The following ANAPC10 variants were observed in gnomAD, a reference collection of about 807,000 sequenced individuals.
ANAPC10 encodes the protein anaphase promoting complex subunit 10.
In ANAPC10, 12 loss-of-function variants were observed where a neutral mutation model predicts 22.0. The ratio of observed to expected loss-of-function variants is 0.55; its 90% CI spans 0.35 to 0.88. ANAPC10 has a LOEUF of 0.88. Among genes scored for constraint, ANAPC10 ranks in the 40% least tolerant of loss-of-function variants. The pLI, the probability that ANAPC10 is intolerant of heterozygous loss-of-function variation, is 0.01. For synonymous variants in ANAPC10, 65 were observed against 69.5 expected (o/e 0.94, Z 0.32); for missense variants, 188 against 220.9 (o/e 0.85, Z 0.94).
At chr4:145,010,264 G>A (rs1479001322) in intron 4 of ANAPC10, among the ~76,000 whole-genome samples, 1 of 152,154 alleles carries the variant, frequency 6.6e-6, no homozygotes, top group Non-Finnish European at 1.5e-5. Flanking sequence ...AGACAGTGTG[G>A]CAATTCCTCA....
chr4:145,073,905 A>G lies in ANAPC10; in HGVS notation c.206+7755T>C, dbSNP rs977169452. Among the ~76,000 whole-genome samples the G allele has an allele frequency of 2.0e-5, 3 of 151,940 alleles. No individual in the cohort carries two copies. In the East Asian group the frequency reaches 5.8e-4, roughly 29 times the overall value. Reference sequence around the variant, plus strand: ...TTTGTAGAAATTTTGATGAAGGCAGATCAAACAAAAGCACAAATTTTGCTT... The same window carrying G: ...TTTGTAGAAATTTTGATGAAGGCAGGTCAAACAAAAGCACAAATTTTGCTT... On this transcript the variant is annotated intron_variant, in intron 3 of 4. Coordinates refer to ENST00000507656, the MANE Select transcript of ANAPC10 (RefSeq NM_001256706.2).
At chr4:145,022,812 A>C (rs1736146091) in intron 4 of ANAPC10, among the ~76,000 whole-genome samples, 1 of 151,910 alleles carries the variant, frequency 6.6e-6, no homozygotes, top group Non-Finnish European at 1.5e-5. Flanking sequence ...AAAAAAAAAA[A>C]ATTAAAAACA....
chr4:145,094,370 G>A (rs1748169354), intron 2 of ANAPC10, among the ~76,000 whole-genome samples: 1 of 152,156 alleles, frequency 6.6e-6, no homozygotes, highest in South Asian at 2.1e-4. Context: ...GGAACTTTGT[G>A]GGATGATGGC....
At chr4:145,026,485 G>A (rs1341053832) in intron 4 of ANAPC10, among the ~76,000 whole-genome samples, 2 of 152,060 alleles carry the variant, frequency 1.3e-5, no homozygotes, top group Non-Finnish European at 2.9e-5. Context: ...TTTAAATAAG[G>A]TGGTCAGAAT....
chr4:145,010,390 A>C (rs1209127297), intron 4 of ANAPC10, among the ~76,000 whole-genome samples: 1 of 152,192 alleles, frequency 6.6e-6, no homozygotes, highest in Non-Finnish European at 1.5e-5. Context: ...TTATTGTGGC[A>C]CTATTCACAA....
chr4:145,064,751 A>C, intron 3 of ANAPC10, 59 bp from the exon 4 acceptor site: 1 of 1,329,384 alleles, frequency 7.5e-7, no homozygotes, highest in East Asian at 2.5e-5. Context: ...TTTCCAATGC[A>C]TCTTATCTTC....
At chr4:145,048,091 C>A (rs1014909207) in intron 4 of ANAPC10, among the ~76,000 whole-genome samples, 1 of 152,106 alleles carries the variant, frequency 6.6e-6, no homozygotes, top group African/African-American at 2.4e-5. Context: ...AGAGTCGAAT[C>A]AATTTTAGAA....
chr4:145,063,150 G>A (rs1743157841), intron 4 of ANAPC10, among the ~76,000 whole-genome samples: 1 of 152,110 alleles, frequency 6.6e-6, no homozygotes, highest in Admixed American at 6.6e-5. Flanking sequence ...TGCTAAGAGA[G>A]TGGATTTTGA....
intron 3 of ANAPC10, among the ~76,000 whole-genome samples, chr4:145,065,705 T>C (rs1560901038): frequency 6.6e-6 from 1 of 152,000 alleles, no homozygotes; most frequent in Non-Finnish European, 1.5e-5. Context: ...TATAGAACTA[T>C]TTAAAATAAT....
chr4:145,095,920 A>C (rs1464207239), intron 2 of ANAPC10, 65 bp downstream of exon 2: 5 of 1,606,646 alleles, frequency 3.1e-6, no homozygotes, highest in Non-Finnish European at 4.3e-6. Context: ...GGATAAGGGG[A>C]GATGCCTGTA....
intron 4 of ANAPC10, among the ~76,000 whole-genome samples, chr4:144,998,328 GAAGTA>G (rs1417567447): frequency 6.6e-5 from 10 of 152,246 alleles, no homozygotes; most frequent in African/African-American, 2.4e-4. Flanking sequence ...CATATAGTTG[GAAGTA>G]AAGCACTCCT....
Position 145,020,549 on chromosome 4 carries a change from G to A in ANAPC10, c.328-24946C>T, listed in dbSNP as rs572097670. ...ACAAGGATGCCCACTCTCACCACTC[G>A]TCTTCAACATAGTACTGGAAGTCCT... On this transcript the variant is annotated intron_variant, in intron 4 of 4. Coordinates refer to ENST00000507656, the MANE Select transcript of ANAPC10 (RefSeq NM_001256706.2). 4.3e-4 allele frequency among the ~76,000 whole-genome samples: 66 copies of A among 152,042 alleles called. 1 individual carries two copies. Among genetic ancestry groups the A allele is most frequent in the African/African-American group, 1.4e-3 (57 of 41,504 alleles).
chr4:145,047,547 A>G (rs1042075012), intron 4 of ANAPC10, among the ~76,000 whole-genome samples: 5 of 152,128 alleles, frequency 3.3e-5, no homozygotes, highest in Admixed American at 6.6e-5. Flanking sequence ...GCCTTAGACA[A>G]TTCCCTCTCA....
chr4:145,072,398 C>T (rs769547883), intron 3 of ANAPC10, among the ~76,000 whole-genome samples: 9 of 152,080 alleles, frequency 5.9e-5, no homozygotes, highest in Non-Finnish European at 1.0e-4. Flanking sequence ...CTACATAAAT[C>T]GAGAGTTGCT....
intron 4 of ANAPC10, among the ~76,000 whole-genome samples, chr4:145,034,624 TTATA>T (rs1340759266): frequency 1.3e-5 from 2 of 149,782 alleles, no homozygotes; most frequent in Non-Finnish European, 3.0e-5. Flanking sequence ...AGGATATGTA[TTATA>T]TATAATATCC....
At chr4:145,063,880 ACT>A (rs1743272573) in intron 4 of ANAPC10, 1 of 152,092 alleles carries the variant, frequency 6.6e-6, no homozygotes. Flanking sequence ...ATCCTGTATG[ACT>A]CTGTTCATAT....
chr4:145,080,113 C>CAAAAAAAA (rs70956824), intron 3 of ANAPC10, among the ~76,000 whole-genome samples: 1 of 26,808 alleles, frequency 3.7e-5, no homozygotes, highest in Non-Finnish European at 6.3e-5. Context: ...GACTCTGTCT[C>CAAAAAAAA]AAAAAAAAAA....
intron 4 of ANAPC10, among the ~76,000 whole-genome samples, chr4:144,997,402 T>C (rs2126828071): frequency 6.6e-6 from 1 of 152,288 alleles, no homozygotes; most frequent in Non-Finnish European, 1.5e-5. Context: ...CCAGAAACTC[T>C]ACAAGCCAGA....
At chr4:145,067,417 C>A (rs1244180216) in intron 3 of ANAPC10, among the ~76,000 whole-genome samples, 1 of 152,066 alleles carries the variant, frequency 6.6e-6, no homozygotes, top group East Asian at 1.9e-4. Flanking sequence ...AAGTAACACT[C>A]CTGGACACTC....
Sources: allele counts gnomAD v4.1 joint callset (sites outside exome capture counted in the v4.1 genomes callset), GRCh38; gene constraint gnomAD v4.1.1; transcripts MANE v1.5; gene names NCBI Gene and HGNC (gene_info 2026-07-23, HGNC 2026-07-21).